The following TRIM36 variants were observed in gnomAD, a reference collection of about 807,000 sequenced individuals.
TRIM36 encodes tripartite motif containing 36.
In TRIM36, 42 loss-of-function variants were observed where a neutral mutation model predicts 72.4. The observed-to-expected ratio is 0.58, with a 90% CI of 0.45 to 0.75. The LOEUF (loss-of-function observed/expected upper bound fraction) is 0.75. Among genes scored for constraint, TRIM36 ranks in the 30% least tolerant of loss-of-function variants. The probability of loss-of-function intolerance (pLI) is 0.00; values close to 1 mark genes in which losing one functional copy is unlikely to be tolerated. For missense variants in TRIM36, 913 were observed against 857.1 expected, an observed-to-expected ratio of 1.07 and a Z score of -0.81; for synonymous variants, 315 against 282.8, an observed-to-expected ratio of 1.11 and a Z score of -1.14.
intron 2 of TRIM36, among the ~76,000 whole-genome samples, chr5:115,151,616 CAA>C (rs2112863274): frequency 6.6e-6 from 1 of 152,320 alleles, no homozygotes; most frequent in African/African-American, 2.4e-5. Flanking sequence ...TAAGAAGCCT[CAA>C]AGAGTCCATT....
chr5:115,166,785 C>T (rs1271599390), intron 1 of TRIM36, among the ~76,000 whole-genome samples: 1 of 152,208 alleles, frequency 6.6e-6, no homozygotes, highest in Non-Finnish European at 1.5e-5. Flanking sequence ...CTTTGTGGCT[C>T]TGCAGTTGCC....
intron 5 of TRIM36, among the ~76,000 whole-genome samples, chr5:115,139,398 G>A (rs1753152257): frequency 6.6e-6 from 1 of 152,238 alleles, no homozygotes. Context: ...TGAGATTACA[G>A]GCGTGAGCCA....
At position 115,124,903 on chromosome 5, in the gene TRIM36, T is replaced by G. The variant is rs1219237019; in HGVS notation, c.*1600A>C. ...TACATCATATGTGCTTGTACAAGGC[T>G]TGAGTATCAACCACAAATGTGACTT... On this transcript the variant is annotated 3_prime_UTR_variant, in exon 10 of 10. Coordinates refer to ENST00000513154, the MANE Select transcript of TRIM36 (RefSeq NM_001300759.2). 1 of 152,552 alleles carries G rather than the reference T, an allele frequency of 6.6e-6. No homozygotes were observed. Among genetic ancestry groups the G allele is most frequent in the Non-Finnish European group, 1.5e-5 (1 of 67,948 alleles). 9.4% of individuals were successfully genotyped at this position (152,552 alleles called of 1,614,324 possible). A position where few individuals can be genotyped will look rare whatever the true frequency, so the allele number is the denominator to read the frequency against.
chr5:115,129,203 A>G (rs1372025565), intron 9 of TRIM36, among the ~76,000 whole-genome samples: 2 of 152,246 alleles, frequency 1.3e-5, no homozygotes, highest in East Asian at 3.8e-4. Context: ...TTCTCGCAAC[A>G]ATGAAATTGC....
At chr5:115,150,091 A>G (rs980872999) in intron 2 of TRIM36, among the ~76,000 whole-genome samples, 3 of 152,226 alleles carry the variant, frequency 2.0e-5, no homozygotes, top group African/African-American at 7.2e-5. Flanking sequence ...CAAATGCTAA[A>G]GAACTTTTAT....
Position 115,130,655 on chromosome 5 carries a change from C to T in TRIM36, c.1733G>A (p.Gly578Glu). ...TTGTAGTTTATCGCTAGAAGCAACTCCCACTTTTACCAGGTATGAATATGG... is the reference window on the plus strand; with the variant it reads ...TTGTAGTTTATCGCTAGAAGCAACTTCCACTTTTACCAGGTATGAATATGG... ...VEPYSYLVKV[G>E]VASSDKLQEW... The change falls in exon 9 of 10, where the codon GGA becomes GAA. Residue 578 changes from glycine (G) to glutamate (E), a missense_variant. Transcript: ENST00000513154. The T allele has an allele frequency of 2.5e-6, 4 of 1,614,176 alleles. No homozygotes were observed. The highest frequency in any genetic ancestry group is 8.5e-7 in the Non-Finnish European group (1 of 1,180,022).
chr5:115,158,890 T>G (rs1448052800), intron 2 of TRIM36, among the ~76,000 whole-genome samples: 2 of 152,212 alleles, frequency 1.3e-5, no homozygotes, highest in Admixed American at 6.5e-5. Flanking sequence ...TTTAAGATTT[T>G]TAAATCAAGA....
chr5:115,168,690 T>A (rs1754919090), intron 1 of TRIM36, among the ~76,000 whole-genome samples: 1 of 152,220 alleles, frequency 6.6e-6, no homozygotes, highest in Non-Finnish European at 1.5e-5. Context: ...TGTTCACAGA[T>A]TTGGAAATAA....
chr5:115,165,721 G>A (rs1754731295), intron 1 of TRIM36, among the ~76,000 whole-genome samples: 1 of 152,140 alleles, frequency 6.6e-6, no homozygotes, highest in African/African-American at 2.4e-5. Context: ...TTGGTGCGGA[G>A]GGAGCCCCAT....
chr5:115,169,556 G>C lies in TRIM36; in HGVS notation c.27+52C>G, dbSNP rs527852354. Reference sequence around the variant, plus strand: ...CCCGGCGGAGGAAAGAGAAAGAGCCGCGGTCGGCACACCGCCCTCGAGGTG... The same window carrying C: ...CCCGGCGGAGGAAAGAGAAAGAGCCCCGGTCGGCACACCGCCCTCGAGGTG... On this transcript the variant is annotated intron_variant, in intron 1 of 9. Transcript: ENST00000513154. The C allele has an allele frequency of 7.4e-6, 11 of 1,486,304 alleles. No homozygotes were observed. In the South Asian group the frequency reaches 1.1e-4, roughly 15 times the overall value. The allele number at this position is 1,486,304 out of a possible 1,614,324, so 92.1% of individuals were successfully genotyped here. A position where few individuals can be genotyped will look rare whatever the true frequency, so the allele number is the denominator to read the frequency against.
chr5:115,155,329 C>G (rs1223833829), intron 2 of TRIM36, among the ~76,000 whole-genome samples: 3 of 152,090 alleles, frequency 2.0e-5, no homozygotes, highest in Non-Finnish European at 4.4e-5. Context: ...GCCTGGGCAA[C>G]AAAGAGCGAA....
intron 1 of TRIM36, among the ~76,000 whole-genome samples, chr5:115,169,261 T>C (rs1754959745): frequency 1.3e-5 from 2 of 152,194 alleles, no homozygotes; most frequent in African/African-American, 4.8e-5. Flanking sequence ...GCGCCCCAGC[T>C]TTCTGCCCGC....
intron 1 of TRIM36, among the ~76,000 whole-genome samples, chr5:115,168,245 T>C (rs921513245): frequency 1.3e-5 from 2 of 152,212 alleles, no homozygotes; most frequent in Non-Finnish European, 2.9e-5. Flanking sequence ...CTCTCAATAC[T>C]ACAGCCTTTC....
chr5:115,171,371 T>A, upstream of TRIM36: 3 of 1,169,112 alleles, frequency 2.6e-6, no homozygotes, highest in Non-Finnish European at 2.4e-6. Context: ...TTAATGCCCG[T>A]TGCGTGGCCG....
At chr5:115,154,479 C>T (rs1216238958) in intron 2 of TRIM36, among the ~76,000 whole-genome samples, 1 of 151,944 alleles carries the variant, frequency 6.6e-6, no homozygotes, top group Non-Finnish European at 1.5e-5. Context: ...TCCAAATAAG[C>T]TCAATAAGAA....
Position 115,178,887 on chromosome 5 carries a change from C to T in TRIM36, c.63+1088G>A, listed in dbSNP as rs561056069. Reference sequence around the variant, plus strand: ...TAAACCAGCTCCCCAGCCCTGGGGCCATAGGACTGTCGGGCATGAATCTAA... The same window carrying T: ...TAAACCAGCTCCCCAGCCCTGGGGCTATAGGACTGTCGGGCATGAATCTAA... On this transcript the variant is annotated intron_variant, in intron 1 of 9. Transcript: ENST00000282369. 3.3e-5 allele frequency among the ~76,000 whole-genome samples: 5 copies of T among 152,290 alleles called. No homozygotes were observed. In the East Asian group the frequency reaches 9.6e-4, roughly 29 times the overall value.
intron 2 of TRIM36, among the ~76,000 whole-genome samples, chr5:115,155,507 A>T (rs190854134): frequency 6.6e-6 from 1 of 152,358 alleles, no homozygotes; most frequent in East Asian, 1.9e-4. Context: ...GGGATGGTTT[A>T]ACATATGCAA....
intron 3 of TRIM36, among the ~76,000 whole-genome samples, chr5:115,146,638 T>C (rs755120160): frequency 1.1e-4 from 17 of 152,238 alleles, no homozygotes; most frequent in Non-Finnish European, 2.2e-4. Flanking sequence ...CTGTAATTAC[T>C]TTTATTCATT....
At chr5:115,140,237 G>A (rs2112812369) in intron 5 of TRIM36, among the ~76,000 whole-genome samples, 1 of 152,266 alleles carries the variant, frequency 6.6e-6, no homozygotes, top group Non-Finnish European at 1.5e-5. Flanking sequence ...TGTCATACTA[G>A]CTGGGATATT....
Sources: allele counts gnomAD v4.1 joint callset (sites outside exome capture counted in the v4.1 genomes callset), GRCh38; gene constraint gnomAD v4.1.1; transcripts MANE v1.5; gene names NCBI Gene and HGNC (gene_info 2026-07-23, HGNC 2026-07-21).